Variants in ATP8B4 observed in about 807,000 individuals in gnomAD.
ATP8B4 encodes the protein probable phospholipid-transporting ATPase IM.
ATP8B4 carries 133 observed loss-of-function variants against 145.6 expected under a neutral mutation model. The ratio of observed to expected loss-of-function variants is 0.91; its 90% CI spans 0.79 to 1.05. The LOEUF is 1.05. ATP8B4 is among the 50% of genes least tolerant of loss of function. The pLI, the probability that ATP8B4 is intolerant of heterozygous loss-of-function variation, is 0.00. For missense variants in ATP8B4, 1,458 were observed against 1,425.2 expected (o/e 1.02, Z -0.37); for synonymous variants, 507 against 492.9 (o/e 1.03, Z -0.38).
chr15:50,108,045 G>A (rs180861351), intron 1 of ATP8B4, among the ~76,000 whole-genome samples: 179 of 152,136 alleles, frequency 1.2e-3, no homozygotes, highest in African/African-American at 4.2e-3. Flanking sequence ...TAAAACTTAC[G>A]AATCCAAGCA....
At chr15:49,985,780 A>T (rs1294654472) in intron 10 of ATP8B4, among the ~76,000 whole-genome samples, 2 of 152,310 alleles carry the variant, frequency 1.3e-5, no homozygotes, top group Middle Eastern at 3.4e-3. Context: ...AGGGAAGCAG[A>T]AAAGGAAGGA....
Position 49,917,046 on chromosome 15 carries a change from C to A in ATP8B4, c.2036-7G>T. The A allele has an allele frequency of 6.2e-7, 1 of 1,612,390 alleles. No homozygotes were observed. Among genetic ancestry groups the A allele is most frequent in the South Asian group, 1.1e-5 (1 of 91,002 alleles). On this transcript the variant is annotated splice_region_variant and splice_polypyrimidine_tract_variant and intron_variant, in intron 19 of 27. Coordinates refer to ENST00000284509, the MANE Select transcript of ATP8B4 (RefSeq NM_024837.4). ...CCGATGTTGATGGCAGTTTCTAACA[C>A]AAAATAAAGCCCAATTCAGTTAAAA...
At chr15:49,862,605 C>T (rs150366422) in intron 26 of ATP8B4, among the ~76,000 whole-genome samples, 194 of 152,048 alleles carry the variant, frequency 1.3e-3, no homozygotes, top group Middle Eastern at 3.4e-3. Context: ...TACAGGTGCC[C>T]GCCACCACGC....
intron 3 of ATP8B4, among the ~76,000 whole-genome samples, chr15:50,072,710 C>T (rs1306850249): frequency 6.6e-6 from 1 of 151,752 alleles, no homozygotes; most frequent in Non-Finnish European, 1.5e-5. Flanking sequence ...ACTGCAACCT[C>T]CACCTCCTGG....
At chr15:50,006,687 C>G (rs576053185) in intron 7 of ATP8B4, among the ~76,000 whole-genome samples, 4 of 152,062 alleles carry the variant, frequency 2.6e-5, no homozygotes, top group Non-Finnish European at 4.4e-5. Flanking sequence ...CAGAAGAATG[C>G]CTTGGTTTTA....
At chr15:49,956,611 G>T (rs1473014152) in intron 14 of ATP8B4, among the ~76,000 whole-genome samples, 2 of 152,154 alleles carry the variant, frequency 1.3e-5, no homozygotes, top group Non-Finnish European at 2.9e-5. Context: ...GCGAGATCAT[G>T]GCTCATTGCA....
chr15:50,044,642 C>G lies in ATP8B4; in HGVS notation c.252G>C (p.Leu84Phe), dbSNP rs1171520563. ...SLTWFTTIVP[L>F]VLVITMTAVK... ...CAGCTGTCATAGTTATCACCAGGAC[C>G]AAAGGCACAATGGTGGTAAACCAGG... Residue 84 changes from leucine to phenylalanine, a missense_variant, in exon 5 of 28, where the codon TTG becomes TTC. Leu to Phe is a conservative substitution (Grantham distance 22). Transcript: ENST00000284509. 6.2e-7 allele frequency: 1 copy of G among 1,613,444 alleles called. No individual in the cohort carries two copies. Among genetic ancestry groups the G allele is most frequent in the African/African-American group, 1.3e-5 (1 of 74,984 alleles).
chr15:50,145,932 T>C (rs1488845857), intron 1 of ATP8B4, among the ~76,000 whole-genome samples: 1 of 151,704 alleles, frequency 6.6e-6, no homozygotes, highest in Non-Finnish European at 1.5e-5. Flanking sequence ...AGGATGAAAA[T>C]GAATGAGAAA....
chr15:49,908,435 G>T (rs1475327839), intron 20 of ATP8B4, among the ~76,000 whole-genome samples: 1 of 152,168 alleles, frequency 6.6e-6, no homozygotes, highest in Non-Finnish European at 1.5e-5. Flanking sequence ...ATCCTGTCTG[G>T]CTGGGAGCCC....
At chr15:49,903,375 C>T (rs1338946599) in intron 20 of ATP8B4, among the ~76,000 whole-genome samples, 1 of 152,088 alleles carries the variant, frequency 6.6e-6, no homozygotes, top group Admixed American at 6.5e-5. Context: ...CCTGTTTTTT[C>T]CAAGCTGCGT....
intron 2 of ATP8B4, among the ~76,000 whole-genome samples, chr15:50,097,860 ACTG>A (rs1288103868): frequency 2.0e-5 from 3 of 152,220 alleles, no homozygotes; most frequent in Non-Finnish European, 2.9e-5. Context: ...ACATTTACAT[ACTG>A]CTTTTATAAT....
chr15:50,073,021 C>CAT (rs1456817880), intron 3 of ATP8B4, among the ~76,000 whole-genome samples: 6 of 27,370 alleles, frequency 2.2e-4, no homozygotes, highest in Non-Finnish European at 3.4e-4. Flanking sequence ...TATATATATA[C>CAT]ACACACACAC....
At chr15:50,128,312 C>T (rs757162155) in intron 1 of ATP8B4, among the ~76,000 whole-genome samples, 2 of 152,192 alleles carry the variant, frequency 1.3e-5, no homozygotes, top group Non-Finnish European at 1.5e-5. Context: ...AGGCTAAGCA[C>T]CCATTTCCTT....
chr15:50,035,581 T>G (rs1274051292), intron 6 of ATP8B4, among the ~76,000 whole-genome samples: 1 of 152,160 alleles, frequency 6.6e-6, no homozygotes, highest in Admixed American at 6.5e-5. Context: ...TAGGGTTTTA[T>G]GAGACTTAAG....
chr15:49,891,950 C>T lies in ATP8B4; in HGVS notation c.2697+5342G>A, dbSNP rs2036860224. On this transcript the variant is annotated intron_variant, in intron 23 of 27. Coordinates refer to ENST00000284509, the MANE Select transcript of ATP8B4 (RefSeq NM_024837.4). ...CTAACATGGTGAAACCCTGTCTCTA[C>T]TAAAAAAACACAAAAATTAGTTGGG... is the stretch of plus-strand genomic sequence containing the variant. Among the ~76,000 whole-genome samples the T allele has an allele frequency of 2.0e-5, 3 of 151,914 alleles. No individual in the cohort carries two copies. In the South Asian group the frequency reaches 6.3e-4, roughly 32 times the overall value.
Position 49,920,251 on chromosome 15 carries a change from A to T in ATP8B4, c.1918T>A (p.Leu640Met), listed in dbSNP as rs766058317. 5.0e-6 allele frequency: 8 copies of T among 1,613,874 alleles called. No individual in the cohort carries two copies. The highest frequency in any genetic ancestry group is 5.9e-6 in the Non-Finnish European group (7 of 1,179,882). The change falls in exon 18 of 28, where the codon TTG (leucine) becomes ATG (methionine). Residue 640 changes from leucine to methionine, a missense_variant. Physicochemically the swap from Leu to Met is conservative, Grantham distance 15 (BLOSUM62 2). Coordinates refer to ENST00000284509, the MANE Select transcript of ATP8B4 (RefSeq NM_024837.4). The stretch of plus-strand genomic sequence containing the variant: ...TCATGCTTCTAAACTCATACCATCA[A>T]ATCTCTTTCAATTTCTTCATATAGC... ...AGLYEEIERDLMLLGATAVED... is the reference protein window; with the variant it reads ...AGLYEEIERDMMLLGATAVED...
intron 1 of ATP8B4, among the ~76,000 whole-genome samples, chr15:50,170,865 G>A (rs2044663480): frequency 6.6e-6 from 1 of 152,126 alleles, no homozygotes; most frequent in Non-Finnish European, 1.5e-5. Flanking sequence ...GGTGGAAAGA[G>A]GTGTTTCATG....
At chr15:50,151,542 A>C (rs1390455951) in intron 1 of ATP8B4, among the ~76,000 whole-genome samples, 1 of 152,152 alleles carries the variant, frequency 6.6e-6, no homozygotes, top group Non-Finnish European at 1.5e-5. Context: ...GCTATTTAAA[A>C]AGAAAGACCT....
Position 49,964,258 on chromosome 15 carries a change from C to A in ATP8B4, c.1244-2238G>T, listed in dbSNP as rs145984963. The stretch of plus-strand genomic sequence containing the variant: ...CTGGCCTAGCACCTGGAATTTAAAT[C>A]TCAAATTCACTGTGTTATGCTCTAG... On this transcript the variant is annotated intron_variant, in intron 13 of 27. Transcript: ENST00000284509. Among the ~76,000 whole-genome samples, 692 of 151,930 alleles carry A rather than the reference C, an allele frequency of 4.6e-3. 1 individual carries two copies. Among genetic ancestry groups the A allele is most frequent in the Middle Eastern group, 0.017 (5 of 294 alleles).
Sources: gnomAD v4.1 joint callset for allele counts (sites outside exome capture counted in the v4.1 genomes callset) on GRCh38, gnomAD v4.1.1 for gene constraint, MANE v1.5 for transcripts, NCBI Gene and HGNC (gene_info 2026-07-23, HGNC 2026-07-21) for gene names.